The following RTN2 variants were observed in gnomAD, a reference collection of about 807,000 sequenced individuals.
RTN2 encodes the protein reticulon-2.
A neutral mutation model predicts 63.7 loss-of-function variants in RTN2; 36 were observed. The observed-to-expected ratio is 0.56, with a 90% CI of 0.43 to 0.75. The LOEUF (loss-of-function observed/expected upper bound fraction) is 0.75. Among genes scored for constraint, RTN2 ranks in the 30% least tolerant of loss-of-function variants. The probability of loss-of-function intolerance (pLI) is 0.00; values close to 1 mark genes in which losing one functional copy is unlikely to be tolerated. For missense variants in RTN2, 673 were observed against 705.1 expected (o/e 0.95, Z 0.52); for synonymous variants, 312 against 313.0 (o/e 1.00, Z 0.03).
intron 9 of RTN2, 142 bp from the exon 10 acceptor site, chr19:45,486,255 T>G: frequency 6.0e-6 from 4 of 671,610 alleles, no homozygotes; most frequent in Non-Finnish European, 8.1e-6. Context: ...CTAAACTTCA[T>G]AGAATACATT....
intron 9 of RTN2, among the ~76,000 whole-genome samples, chr19:45,486,763 C>T (rs1968031897): frequency 8.5e-6 from 1 of 117,144 alleles, no homozygotes; most frequent in Admixed American, 1.1e-4. Flanking sequence ...GAGACGGAGT[C>T]TTGTTCTGTG....
chr19:45,492,017 G>A (rs191871332), intron 5 of RTN2, among the ~76,000 whole-genome samples: 1 of 152,236 alleles, frequency 6.6e-6, no homozygotes, highest in African/African-American at 2.4e-5. Flanking sequence ...GCAAGAGAAA[G>A]ATCTTTTCCC....
At chr19:45,489,246 A>G in intron 6 of RTN2, 100 bp downstream of exon 6, 2 of 1,118,280 alleles carry the variant, frequency 1.8e-6, no homozygotes, top group Non-Finnish European at 2.6e-6. Flanking sequence ...AATGATCAAG[A>G]TGAGTCGGGG....
In RTN2 at chr19:45,485,387, G is replaced by A. The variant is rs543207340; in HGVS notation, c.*321C>T. ...CCGGCGTTGGGGCTAGTAGCATCCA[G>A]GAGACACCAACGCCTCACGGCGCCT... On this transcript the variant is annotated 3_prime_UTR_variant, in exon 11 of 11. Coordinates refer to ENST00000245923, the MANE Select transcript of RTN2 (RefSeq NM_005619.5). The A allele has an allele frequency of 1.4e-4, 52 of 384,440 alleles. 2 individuals are homozygous for A. The South Asian group carries it at 1.7e-3, about 12-fold the overall frequency. 23.8% of individuals were successfully genotyped at this position (384,440 alleles called of 1,614,324 possible).
In RTN2 at chr19:45,493,316, A is replaced by G; in HGVS notation, c.877T>C (p.Leu293=). The change falls in exon 5 of 11, where the codon TTG becomes CTG. Residue 293 remains leucine (L), a synonymous_variant. Transcript: ENST00000245923. The stretch of plus-strand genomic sequence containing the variant: ...GTCCACAGAGGTGGGGACAATTCCA[A>G]AATTGGAACCGTCTTGTAAACAGCC... The part of the protein sequence containing the change: ...LLAVYKTVPI[L]ELSPPLWTAI... 1 of 1,611,600 alleles carries G rather than the reference A, an allele frequency of 6.2e-7. No homozygotes were observed. The highest frequency in any genetic ancestry group is 8.5e-7 in the Non-Finnish European group (1 of 1,179,370).
intron 9 of RTN2, among the ~76,000 whole-genome samples, chr19:45,487,972 G>T (rs748766797): frequency 2.8e-5 from 4 of 140,720 alleles, no homozygotes; most frequent in Non-Finnish European, 6.1e-5. Flanking sequence ...GGCAGCAAAG[G>T]CTAGGCACAG....
chr19:45,488,983 G>C lies in RTN2; in HGVS notation c.1245C>G (p.Ala415=). Residue 415 remains alanine, a synonymous_variant, in exon 7 of 11, where the codon GCC becomes GCG. Transcript: ENST00000245923. ...TCAGGGTGAGGTCCACATCCAGGTA[G>C]GCCCTGCGGGGACAAAGGAGTGTGG... ...HRGDGANPFQ[A]YLDVDLTLTR... 6.2e-7 allele frequency: 1 copy of C among 1,610,946 alleles called. No homozygotes were observed. Among genetic ancestry groups the C allele is most frequent in the African/African-American group, 1.3e-5 (1 of 74,984 alleles).
intron 1 of RTN2, 79 bp downstream of exon 1, chr19:45,496,713 C>A: frequency 9.9e-7 from 1 of 1,010,000 alleles, no homozygotes; most frequent in Non-Finnish European, 1.4e-6. Flanking sequence ...CTCCTGCGGG[C>A]AAGCGCCGAG....
chr19:45,486,758 G>A (rs1418172521), intron 9 of RTN2, among the ~76,000 whole-genome samples: 8 of 126,304 alleles, frequency 6.3e-5, no homozygotes, highest in Non-Finnish European at 9.6e-5. Flanking sequence ...TTCCTGAGAC[G>A]GAGTCTTGTT....
At chr19:45,496,727 A>C in intron 1 of RTN2, 65 bp downstream of exon 1, 1 of 1,149,438 alleles carries the variant, frequency 8.7e-7, no homozygotes, top group Non-Finnish European at 1.2e-6. Flanking sequence ...CGCCGAGGGG[A>C]CACCGGGGAG....
Position 45,496,939 on chromosome 19 carries a change from G to GCCT in RTN2, c.-117_-115dup. 3.6e-6 allele frequency: 2 copies of GCCT among 554,310 alleles called. No individual in the cohort carries two copies. Among genetic ancestry groups the GCCT allele is most frequent in the East Asian group, 3.7e-5 (1 of 26,866 alleles). 34.3% of individuals were successfully genotyped at this position (554,310 alleles called of 1,614,324 possible). The stretch of plus-strand genomic sequence containing the variant: ...CCACGACGCCGCTGCCATTCTCGCC[G>GCCT]CCTCCTCCTCCCGGGCTGCTCCAGC... On this transcript the variant is annotated 5_prime_UTR_variant, in exon 1 of 11. Coordinates refer to ENST00000245923, the MANE Select transcript of RTN2 (RefSeq NM_005619.5).
intron 5 of RTN2, among the ~76,000 whole-genome samples, chr19:45,490,152 C>A (rs1234711216): frequency 6.6e-6 from 1 of 152,076 alleles, no homozygotes; most frequent in East Asian, 1.9e-4. Context: ...CAGGCATGTG[C>A]CACCATTCCC....
intron 9 of RTN2, among the ~76,000 whole-genome samples, chr19:45,487,583 G>GTTTTTTTTTTTTTTTTTTTTTTTTTTTGT (rs4031036): frequency 9.5e-6 from 1 of 105,774 alleles, no homozygotes; most frequent in Non-Finnish European, 1.9e-5. Flanking sequence ...TTATTTTTTG[G>GTTTTTTTTTTTTTTTTTTTTTTTTTTTGT]TTTTTTTTTT....
At chr19:45,491,721 G>A (rs1227096589) in intron 5 of RTN2, among the ~76,000 whole-genome samples, 1 of 151,752 alleles carries the variant, frequency 6.6e-6, no homozygotes, top group East Asian at 1.9e-4. Flanking sequence ...TAGTAGAGAC[G>A]GGGTTTCACC....
intron 9 of RTN2, among the ~76,000 whole-genome samples, chr19:45,486,453 C>T (rs532190966): frequency 5.9e-5 from 9 of 152,256 alleles, no homozygotes; most frequent in Non-Finnish European, 1.2e-4. Context: ...TGGCATTGGT[C>T]ACCGAGTCCC....
At position 45,485,641 on chromosome 19, in the gene RTN2, A is replaced by C; in HGVS notation, c.*67T>G. On this transcript the variant is annotated 3_prime_UTR_variant, in exon 11 of 11. Coordinates refer to ENST00000245923, the MANE Select transcript of RTN2 (RefSeq NM_005619.5). ...GGAGGGGGGTGGGTGGGAACGGACA[A>C]GAGATGGAGGGGGCCAGAGGGCTGC... 6 of 1,316,482 alleles carry C rather than the reference A, an allele frequency of 4.6e-6. No individual in the cohort carries two copies. The highest frequency in any genetic ancestry group is 5.4e-6 in the Non-Finnish European group (5 of 919,374). The allele number at this position is 1,316,482 out of a possible 1,614,324, so 81.6% of individuals were successfully genotyped here.
Position 45,494,685 on chromosome 19 carries a change from C to T in RTN2, c.400G>A (p.Glu134Lys), listed in dbSNP as rs1301285695. 1.4e-5 allele frequency: 22 copies of T among 1,613,688 alleles called. No individual in the cohort carries two copies. The highest frequency in any genetic ancestry group is 1.9e-5 in the Non-Finnish European group (22 of 1,179,982). Residue 134 changes from glutamate to lysine, a missense_variant, in exon 3 of 11, where the codon GAG becomes AAG. Glu to Lys is a moderately conservative substitution (Grantham distance 56). Transcript: ENST00000245923. The surrounding 1 kb of genome is among the most constrained non-coding windows in gnomAD (Gnocchi z 5.3). ...RGDPDTAPPSERPLEDLRLRL... is the reference protein window; with the variant it reads ...RGDPDTAPPSKRPLEDLRLRL... Reference sequence around the variant, plus strand: ...AGCCTCAGGTCTTCCAGAGGGCGCTCGGATGGAGGCGCGGTGTCAGGATCA... The same window carrying T: ...AGCCTCAGGTCTTCCAGAGGGCGCTTGGATGGAGGCGCGGTGTCAGGATCA...
chr19:45,485,463 A>C lies in RTN2; in HGVS notation c.*245T>G, dbSNP rs1289698490. ...GTGGTGCCCTGTCTAGGCAACTACAAGTCCCAGCAGGCCCCGCGGCCAAGG... is the reference window on the plus strand; with the variant it reads ...GTGGTGCCCTGTCTAGGCAACTACACGTCCCAGCAGGCCCCGCGGCCAAGG... On this transcript the variant is annotated 3_prime_UTR_variant, in exon 11 of 11. Transcript: ENST00000245923. The C allele has an allele frequency of 3.6e-6, 2 of 549,814 alleles. No homozygotes were observed. Among genetic ancestry groups the C allele is most frequent in the South Asian group, 2.2e-5 (1 of 45,494 alleles). The allele number at this position is 549,814 out of a possible 1,614,324, so 34.1% of individuals were successfully genotyped here. A position where few individuals can be genotyped will look rare whatever the true frequency, so the allele number is the denominator to read the frequency against.
intron 9 of RTN2, 107 bp from the exon 10 acceptor site, chr19:45,486,220 G>C: frequency 3.3e-6 from 3 of 916,992 alleles, no homozygotes; most frequent in Non-Finnish European, 5.3e-6. Flanking sequence ...GTTGTGAAGA[G>C]TGGCCCACCA....
Sources: allele counts gnomAD v4.1 joint callset (sites outside exome capture counted in the v4.1 genomes callset), GRCh38; gene constraint gnomAD v4.1.1; non-coding constraint Gnocchi (gnomAD v3.1); transcripts MANE v1.5; gene names NCBI Gene and HGNC (gene_info 2026-07-23, HGNC 2026-07-21).